Variants in MTHFD2L observed in about 807,000 individuals in gnomAD.
MTHFD2L encodes methylenetetrahydrofolate dehydrogenase (NADP+ dependent) 2 like.
A neutral mutation model predicts 34.9 loss-of-function variants in MTHFD2L; 29 were observed. The observed-to-expected ratio is 0.83, with a 90% CI of 0.62 to 1.13. The LOEUF is 1.13. MTHFD2L is among the 50% of genes most tolerant of loss of function. The pLI is 0.00. For synonymous variants in MTHFD2L, 167 were observed against 155.7 expected (o/e 1.07, Z -0.54); for missense variants, 481 against 446.5 (o/e 1.08, Z -0.70).
At chr4:74,114,842 C>G (rs1721631968) in intron 2 of MTHFD2L, among the ~76,000 whole-genome samples, 1 of 152,194 alleles carries the variant, frequency 6.6e-6, no homozygotes, top group African/African-American at 2.4e-5. Flanking sequence ...CCAGGATAGG[C>G]AGTGTGCTGG....
intron 5 of MTHFD2L, among the ~76,000 whole-genome samples, chr4:74,206,970 G>A (rs1188217878): frequency 3.3e-5 from 5 of 151,958 alleles, no homozygotes; most frequent in South Asian, 2.1e-4. Context: ...GCATGATCAC[G>A]GCTCACTGCA....
At chr4:74,148,134 C>T (rs1560413381) in intron 1 of MTHFD2L, among the ~76,000 whole-genome samples, 1 of 151,946 alleles carries the variant, frequency 6.6e-6, no homozygotes, top group South Asian at 2.1e-4. Flanking sequence ...TTTTCCACAT[C>T]GAATGATATT....
chr4:74,137,653 T>C (rs516508), intron 1 of MTHFD2L, among the ~76,000 whole-genome samples: 150,844 of 152,322 alleles, frequency 0.99, 74,713 homozygotes, highest in East Asian at 1. Context: ...GATATCTGCA[T>C]TCCCATGTTT....
At position 74,301,681 on chromosome 4, in the gene MTHFD2L, T is replaced by A. The variant is rs771951001; in HGVS notation, c.932-16T>A. 6.7e-7 allele frequency: 1 copy of A among 1,500,928 alleles called. No homozygotes were observed. Among genetic ancestry groups the A allele is most frequent in the Non-Finnish European group, 9.1e-7 (1 of 1,104,028 alleles). The allele number at this position is 1,500,928 out of a possible 1,614,324, so 93.0% of individuals were successfully genotyped here. A position where few individuals can be genotyped will look rare whatever the true frequency, so the allele number is the denominator to read the frequency against. ...TTTAAAATAAAGAATATCTGTTTGT[T>A]TTTTTTCCTCATCAGCTGTTAAAAA... On this transcript the variant is annotated splice_polypyrimidine_tract_variant and intron_variant, in intron 7 of 7. Coordinates refer to ENST00000325278, the MANE Select transcript of MTHFD2L (RefSeq NM_001144978.3).
intron 1 of MTHFD2L, among the ~76,000 whole-genome samples, chr4:74,151,593 G>A (rs1289456497): frequency 2.0e-5 from 3 of 152,092 alleles, no homozygotes; most frequent in Non-Finnish European, 4.4e-5. Context: ...TTGTGGTAAG[G>A]GTTAAAAGAA....
chr4:74,301,032 G>A (rs891873871), intron 7 of MTHFD2L, among the ~76,000 whole-genome samples: 1 of 152,010 alleles, frequency 6.6e-6, no homozygotes, highest in Non-Finnish European at 1.5e-5. Context: ...TCACTAGCTG[G>A]GAGAAAGGTC....
At chr4:74,257,708 C>T (rs530436465) in intron 6 of MTHFD2L, among the ~76,000 whole-genome samples, 30 of 152,066 alleles carry the variant, frequency 2.0e-4, no homozygotes, top group African/African-American at 6.7e-4. Context: ...GGGATATGAC[C>T]GCCAAAGCAC....
At chr4:74,224,061 G>A (rs991712733) in intron 5 of MTHFD2L, 2 of 151,976 alleles carry the variant, frequency 1.3e-5, no homozygotes, top group East Asian at 1.9e-4. Context: ...ACTTCTGCTG[G>A]GGGTTAGAGG....
At position 74,158,134 on chromosome 4, in the gene MTHFD2L, C is replaced by G. The variant is rs1464048642; in HGVS notation, c.-5C>G. 3.3e-5 allele frequency: 50 copies of G among 1,529,874 alleles called. No individual in the cohort carries two copies. The highest frequency in any genetic ancestry group is 4.4e-5 in the Non-Finnish European group (50 of 1,141,174). 94.8% of individuals were successfully genotyped at this position (1,529,874 alleles called of 1,614,324 possible). On this transcript the variant is annotated 5_prime_UTR_variant, in exon 1 of 8. Transcript: ENST00000325278. ...CCCCAGTCCGGAAGCCGGGGATCCG[C>G]GGCCATGACGGTGCCGGTCCGCGGC...
At chr4:74,293,122 T>C (rs1749167476) in intron 7 of MTHFD2L, among the ~76,000 whole-genome samples, 1 of 152,140 alleles carries the variant, frequency 6.6e-6, no homozygotes, top group African/African-American at 2.4e-5. Flanking sequence ...GGTATACAAG[T>C]GTCATGGTGG....
intron 4 of MTHFD2L, among the ~76,000 whole-genome samples, chr4:74,200,369 C>T (rs116046212): frequency 0.01 from 1,553 of 151,932 alleles, 30 homozygotes; most frequent in African/African-American, 0.035. Context: ...TAAAATGAAA[C>T]GAAGAGCATT....
chr4:74,276,557 C>T (rs955325770), intron 6 of MTHFD2L, among the ~76,000 whole-genome samples: 4 of 152,184 alleles, frequency 2.6e-5, no homozygotes, highest in Admixed American at 2.0e-4. Context: ...ACTGTGCATC[C>T]TAATGGTATA....
chr4:74,242,811 C>T (rs933855010), intron 6 of MTHFD2L, among the ~76,000 whole-genome samples: 1 of 152,154 alleles, frequency 6.6e-6, no homozygotes, highest in African/African-American at 2.4e-5. Flanking sequence ...GGTCACATGT[C>T]TCTTTTCCTT....
intron 6 of MTHFD2L, among the ~76,000 whole-genome samples, chr4:74,249,348 A>C (rs1202954839): frequency 6.6e-6 from 1 of 151,842 alleles, no homozygotes; most frequent in Admixed American, 6.6e-5. Context: ...ATCTTCCTCC[A>C]TCCTTTTATT....
intron 5 of MTHFD2L, among the ~76,000 whole-genome samples, chr4:74,222,541 A>G (rs1025277135): frequency 6.6e-6 from 1 of 152,152 alleles, no homozygotes; most frequent in Non-Finnish European, 1.5e-5. Context: ...TAATATTGTT[A>G]CAATTGCAAT....
At chr4:74,267,966 A>G (rs1281592939) in intron 6 of MTHFD2L, 2 of 985,296 alleles carry the variant, frequency 2.0e-6, no homozygotes, top group Non-Finnish European at 2.4e-6. Context: ...CAAGGAATAG[A>G]AGCTTTGGGG....
At chr4:74,232,301 C>T (rs1371297631) in intron 6 of MTHFD2L, among the ~76,000 whole-genome samples, 3 of 152,062 alleles carry the variant, frequency 2.0e-5, no homozygotes, top group Non-Finnish European at 4.4e-5. Flanking sequence ...TTATGTTGTT[C>T]CCTGGATGAA....
chr4:74,151,038 A>T (rs1723906546), intron 1 of MTHFD2L, among the ~76,000 whole-genome samples: 1 of 152,088 alleles, frequency 6.6e-6, no homozygotes. Context: ...GTCTTTAAAA[A>T]GTTGAACAGA....
rs758267039 is a variant in MTHFD2L, at chr4:74,239,434, C to T, written c.805+14040C>T. Among the ~76,000 whole-genome samples the T allele has an allele frequency of 1.7e-4, 25 of 151,106 alleles. 1 individual carries two copies. The highest frequency in any genetic ancestry group is 2.9e-5 in the Non-Finnish European group (2 of 67,910). On this transcript the variant is annotated intron_variant, in intron 6 of 7. Transcript: ENST00000325278. ...GCAAACCAAAATGGCCCATGTATAC[C>T]TATGTAACAAACCTGCATATTGTGC...
Sources: gnomAD v4.1 joint callset for allele counts (sites outside exome capture counted in the v4.1 genomes callset) on GRCh38, gnomAD v4.1.1 for gene constraint, MANE v1.5 for transcripts, NCBI Gene and HGNC (gene_info 2026-07-23, HGNC 2026-07-21) for gene names.